The following TRAPPC8 variants were observed in gnomAD, a reference collection of about 807,000 sequenced individuals.
TRAPPC8 encodes trafficking protein particle complex subunit 8, also known as general sporulation gene 1 homolog.
A neutral mutation model predicts 174.3 loss-of-function variants in TRAPPC8; 54 were observed. The observed-to-expected ratio is 0.31, with a 90% CI of 0.25 to 0.39. TRAPPC8 has a LOEUF of 0.39. Among genes scored for constraint, TRAPPC8 ranks in the 10% least tolerant of loss-of-function variants. TRAPPC8 has a pLI of 1.00. For synonymous variants in TRAPPC8, 630 were observed against 579.9 expected, an observed-to-expected ratio of 1.09 and a Z score of -1.24; for missense variants, 1,531 against 1,699.1, an observed-to-expected ratio of 0.90 and a Z score of 1.74.
chr18:31,898,159 T>G (rs970951851), intron 10 of TRAPPC8, among the ~76,000 whole-genome samples: 1 of 152,180 alleles, frequency 6.6e-6, no homozygotes, highest in Non-Finnish European at 1.5e-5. Flanking sequence ...GTAAATACTA[T>G]GTAAATCATT....
At chr18:31,926,812 G>A (rs2037634708) in intron 2 of TRAPPC8, among the ~76,000 whole-genome samples, 1 of 152,172 alleles carries the variant, frequency 6.6e-6, no homozygotes, top group South Asian at 2.1e-4. Context: ...AGAAGTGAAT[G>A]ACATTTAGTC....
At chr18:31,862,016 G>C (rs1170100555) in intron 19 of TRAPPC8, among the ~76,000 whole-genome samples, 1 of 151,574 alleles carries the variant, frequency 6.6e-6, no homozygotes, top group African/African-American at 2.4e-5. Context: ...GTATATTTTG[G>C]TGTCTTACAC....
intron 2 of TRAPPC8, among the ~76,000 whole-genome samples, chr18:31,924,652 C>T (rs1398365678): frequency 2.0e-5 from 3 of 147,506 alleles, no homozygotes; most frequent in Admixed American, 6.9e-5. Context: ...GCAGGAGAAT[C>T]GCTTGAACCC....
intron 18 of TRAPPC8, among the ~76,000 whole-genome samples, chr18:31,865,233 A>G (rs2034529444): frequency 6.6e-6 from 1 of 152,100 alleles, no homozygotes; most frequent in Non-Finnish European, 1.5e-5. Flanking sequence ...TTATTTCTGG[A>G]ATATAAATAA....
chr18:31,883,613 T>A (rs2035565983), intron 12 of TRAPPC8: 1 of 152,850 alleles, frequency 6.5e-6, no homozygotes, highest in African/African-American at 2.4e-5. Context: ...GCCCAACTAA[T>A]GAAAGAAGTG....
At chr18:31,886,345 GAAAAAAAA>G (rs397858057) in intron 12 of TRAPPC8, among the ~76,000 whole-genome samples, 4 of 23,748 alleles carry the variant, frequency 1.7e-4, no homozygotes, top group Admixed American at 3.4e-4. Flanking sequence ...GTTTCTTGAG[GAAAAAAAA>G]AAAAAAAAAA....
Position 31,854,455 on chromosome 18 carries a change from TCA to T in TRAPPC8, c.3337-512_3337-511del, listed in dbSNP as rs201241834. On this transcript the variant is annotated intron_variant, in intron 21 of 28. Coordinates refer to ENST00000283351, the MANE Select transcript of TRAPPC8 (RefSeq NM_014939.5). ...CTAATCTGAAATTATTAAAATATTC[TCA>T]CTCTTACTATAAAAATATTGATTTT... Among the ~76,000 whole-genome samples the T allele has an allele frequency of 7.2e-3, 1,099 of 152,294 alleles. 15 individuals are homozygous for T. The highest frequency in any genetic ancestry group is 0.025 in the African/African-American group (1,054 of 41,572).
At chr18:31,879,521 A>G (rs549294783) in intron 12 of TRAPPC8, among the ~76,000 whole-genome samples, 2 of 152,266 alleles carry the variant, frequency 1.3e-5, no homozygotes, top group Non-Finnish European at 1.5e-5. Context: ...TATATCAAAA[A>G]GACAGATCTC....
rs763138470 is a variant in TRAPPC8, at chr18:31,857,757, C to A, written c.2971G>T (p.Val991Leu). 3 of 1,614,136 alleles carry A rather than the reference C, an allele frequency of 1.9e-6. No individual in the cohort carries two copies. The highest frequency in any genetic ancestry group is 2.2e-5 in the East Asian group (1 of 44,874). The stretch of plus-strand genomic sequence containing the variant: ...GCTGATGATATGAGTGCTGTACACA[C>A]AGAGGTAGCATCTGTCACAACAGTC... Reference protein sequence around the residue: ...YKTVVTDATSVCTALISSASS... With the variant: ...YKTVVTDATSLCTALISSASS... The change falls in exon 20 of 29, where the codon GTG (valine) becomes TTG (leucine). Residue 991 changes from valine to leucine, a missense_variant. By Grantham distance (32) the Val-to-Leu change is conservative. Transcript: ENST00000283351.
At chr18:31,861,495 G>A (rs1199927334) in intron 19 of TRAPPC8, among the ~76,000 whole-genome samples, 1 of 152,090 alleles carries the variant, frequency 6.6e-6, no homozygotes, top group Non-Finnish European at 1.5e-5. Context: ...AGAAAATGAA[G>A]GCCAGATAAT....
At chr18:31,868,044 A>G (rs1479390916) in intron 16 of TRAPPC8, among the ~76,000 whole-genome samples, 1 of 152,190 alleles carries the variant, frequency 6.6e-6, no homozygotes, top group East Asian at 1.9e-4. Context: ...AAATTGGTCA[A>G]TTACATAGAA....
In TRAPPC8 at chr18:31,899,050, C is replaced by G. The variant is rs183165121; in HGVS notation, c.1491-1159G>C. Among the ~76,000 whole-genome samples, 10 of 152,258 alleles carry G rather than the reference C, an allele frequency of 6.6e-5. No homozygotes were observed. The South Asian group carries it at 1.7e-3, about 25-fold the overall frequency. ...ATACTGACTTGTCATAAACTTTCTA[C>G]AAATCACACCTTTTCTTGGAGGTTA... On this transcript the variant is annotated intron_variant, in intron 10 of 28. Coordinates refer to ENST00000283351, the MANE Select transcript of TRAPPC8 (RefSeq NM_014939.5).
At chr18:31,841,239 GA>G (rs1250351471) in intron 26 of TRAPPC8, among the ~76,000 whole-genome samples, 1 of 152,100 alleles carries the variant, frequency 6.6e-6, no homozygotes, top group Non-Finnish European at 1.5e-5. Context: ...CCTGAGGAGA[GA>G]AAAGAAAACC....
chr18:31,853,029 A>G (rs1388719392), intron 22 of TRAPPC8, among the ~76,000 whole-genome samples: 1 of 152,184 alleles, frequency 6.6e-6, no homozygotes, highest in Non-Finnish European at 1.5e-5. Context: ...TTATACCAAC[A>G]TTACTATACG....
chr18:31,907,652 C>CA lies in TRAPPC8; in HGVS notation c.1239-43dup, dbSNP rs528016545. On this transcript the variant is annotated intron_variant, in intron 8 of 28. Coordinates refer to ENST00000283351, the MANE Select transcript of TRAPPC8 (RefSeq NM_014939.5). Reference sequence around the variant, plus strand: ...AAATAATTTATAATTTATTACCCCCCAAACCATTAAAATTATAAAATACAT... The same window carrying CA: ...AAATAATTTATAATTTATTACCCCCCAAAACCATTAAAATTATAAAATACAT... 3.1e-3 allele frequency: 4,638 copies of CA among 1,478,496 alleles called. 39 individuals carry two copies. Among genetic ancestry groups the CA allele is most frequent in the South Asian group, 0.025 (1,822 of 73,420 alleles). 91.6% of individuals were successfully genotyped at this position (1,478,496 alleles called of 1,614,324 possible). A position where few individuals can be genotyped will look rare whatever the true frequency, so the allele number is the denominator to read the frequency against.
chr18:31,893,037 A>AAAC (rs1568101889), intron 11 of TRAPPC8, among the ~76,000 whole-genome samples: 7 of 150,910 alleles, frequency 4.6e-5, no homozygotes, highest in Admixed American at 6.6e-5. Context: ...AAAAAAAAAA[A>AAAC]AAAACAACAT....
chr18:31,929,533 A>G (rs1033604670), intron 2 of TRAPPC8, among the ~76,000 whole-genome samples: 1 of 151,996 alleles, frequency 6.6e-6, no homozygotes, highest in African/African-American at 2.4e-5. Context: ...TCTCTTTTAA[A>G]AAAACATATT....
rs750497784 is a variant in TRAPPC8, at chr18:31,849,734, T to A, written c.3567A>T (p.Ile1189=). 1 of 1,587,154 alleles carries A rather than the reference T, an allele frequency of 6.3e-7. No individual in the cohort carries two copies. The highest frequency in any genetic ancestry group is 2.3e-5 in the East Asian group (1 of 44,414). ...AGTCTGCACATGGGCTTGCTGAACT[T>A]ATTATCTGTTAAAAGAAAATCACTT... ...ADIIFGNEQI[I]SSASPCADFF... is the part of the protein sequence containing the mutation. Residue 1189 remains isoleucine, a synonymous_variant, in exon 25 of 29, where the codon ATA becomes ATT. Transcript: ENST00000283351.
chr18:31,918,600 G>A (rs1216034703), intron 2 of TRAPPC8, among the ~76,000 whole-genome samples: 1 of 152,168 alleles, frequency 6.6e-6, no homozygotes, highest in Non-Finnish European at 1.5e-5. Flanking sequence ...GAATTATCTA[G>A]TTCAAAATGT....
Sources: allele counts gnomAD v4.1 joint callset (sites outside exome capture counted in the v4.1 genomes callset), GRCh38; gene constraint gnomAD v4.1.1; transcripts MANE v1.5; gene names NCBI Gene and HGNC (gene_info 2026-07-23, HGNC 2026-07-21).